EPB41: variants seen among roughly 807,000 people sequenced by gnomAD.
The protein encoded by EPB41 is erythrocyte membrane protein band 4.1.
Under a neutral mutation model 108.0 loss-of-function variants are expected in EPB41, and 65 were observed. That is an observed-to-expected ratio of 0.60 (90% confidence interval 0.49 to 0.74). EPB41 has a LOEUF of 0.74. Ranked by LOEUF, EPB41 falls within the 30% of genes least tolerant of loss-of-function variation. The pLI is 0.00. For missense variants in EPB41, 875 were observed against 1,037.0 expected (o/e 0.84, Z 2.15); for synonymous variants, 336 against 358.9 (o/e 0.94, Z 0.72).
rs199751917 is a variant in EPB41, at chr1:29,033,234, C to T, written c.1354C>T (p.Arg452Trp). ...ACGTAGTAGCTTTTTCATCAAGATTCGGCCTGGAGAGGTACAGAATTTATA... is the reference window on the plus strand; with the variant it reads ...ACGTAGTAGCTTTTTCATCAAGATTTGGCCTGGAGAGGTACAGAATTTATA... ...YKRSSFFIKI[R>W]PGEQEQYEST... The change falls in exon 9 of 21, where the codon CGG becomes TGG. Residue 452 changes from arginine to tryptophan, a missense_variant. By Grantham distance (101) the Arg-to-Trp change is moderately radical (BLOSUM62 -3). This residue lies in a region of EPB41 where 519 missense variants were observed against 627.3 expected (regional missense o/e 0.83). Transcript: ENST00000343067. The T allele has an allele frequency of 4.6e-5, 74 of 1,613,762 alleles. No individual in the cohort carries two copies. The highest frequency in any genetic ancestry group is 5.8e-5 in the Non-Finnish European group (69 of 1,179,900).
At chr1:28,941,888 CTGTCT>C (rs2094301581) in intron 1 of EPB41, among the ~76,000 whole-genome samples, 2 of 110,056 alleles carry the variant, frequency 1.8e-5, no homozygotes, top group African/African-American at 6.4e-5. Flanking sequence ...GAGTGAAGCT[CTGTCT>C]CAAAAAAAAA....
At chr1:28,944,399 TGAGA>T (rs930266166) in intron 1 of EPB41, among the ~76,000 whole-genome samples, 2 of 152,212 alleles carry the variant, frequency 1.3e-5, no homozygotes, top group African/African-American at 4.8e-5. Flanking sequence ...TAAAAATGCT[TGAGA>T]GGATGGATAC....
At chr1:29,039,990 T>C (rs1413704649) in intron 11 of EPB41, among the ~76,000 whole-genome samples, 1 of 152,214 alleles carries the variant, frequency 6.6e-6, no homozygotes, top group Non-Finnish European at 1.5e-5. Flanking sequence ...AATCTAAATC[T>C]ATCAGAATCT....
At position 29,068,738 on chromosome 1, in the gene EPB41, G is replaced by A. The variant is rs551182522; in HGVS notation, c.2184+3580G>A. ...TATAATTTGTGTATGACCAGGTGAA[G>A]AAAACTTCTGTCCTACCCTCGGAAA... On this transcript the variant is annotated intron_variant, in intron 16 of 20. Coordinates refer to ENST00000343067, the MANE Select transcript of EPB41 (RefSeq NM_001376013.1). 5.7e-6 allele frequency: 7 copies of A among 1,232,126 alleles called. No homozygotes were observed. The East Asian group carries it at 2.2e-4, about 39-fold the overall frequency. 76.3% of individuals were successfully genotyped at this position (1,232,126 alleles called of 1,614,324 possible). A position where few individuals can be genotyped will look rare whatever the true frequency, so the allele number is the denominator to read the frequency against.
chr1:28,949,489 CAGAT>C (rs2094618977), intron 1 of EPB41, among the ~76,000 whole-genome samples: 1 of 152,082 alleles, frequency 6.6e-6, no homozygotes, highest in Non-Finnish European at 1.5e-5. Flanking sequence ...TATATTACAA[CAGAT>C]AGATCTTTAA....
At chr1:29,095,028 C>A (rs1662696228) in intron 16 of EPB41, among the ~76,000 whole-genome samples, 1 of 152,128 alleles carries the variant, frequency 6.6e-6, no homozygotes, top group South Asian at 2.1e-4. Context: ...CTTTAGGGAA[C>A]AATGACAAGA....
chr1:28,907,381 A>G (rs944834239), intron 1 of EPB41, among the ~76,000 whole-genome samples: 2 of 151,298 alleles, frequency 1.3e-5, no homozygotes, highest in Non-Finnish European at 3.0e-5. Context: ...TTTTTTTTCA[A>G]TAGAGATGGG....
chr1:28,913,801 C>T (rs2092382966), upstream of EPB41, among the ~76,000 whole-genome samples: 1 of 152,162 alleles, frequency 6.6e-6, no homozygotes, highest in Non-Finnish European at 1.5e-5. Context: ...GGGTCTCTGA[C>T]ACTTCTGGAA....
Position 29,058,663 on chromosome 1 carries a change from A to G in EPB41, c.1902+18A>G. The G allele has an allele frequency of 6.2e-7, 1 of 1,611,446 alleles. No individual in the cohort carries two copies. On this transcript the variant is annotated intron_variant, in intron 13 of 20. Transcript: ENST00000343067. ...AAACACAGGTTTGTGCCAATAGGCC[A>G]CTTGTTCCTCTTTCCCTCCACCCCC...
chr1:28,967,893 C>T (rs1044632419), intron 1 of EPB41, among the ~76,000 whole-genome samples: 14 of 151,374 alleles, frequency 9.2e-5, no homozygotes, highest in African/African-American at 3.2e-4. Context: ...CAACCTCTGC[C>T]TCCCCGGTTC....
rs77862293 is a variant in EPB41, at chr1:29,007,775, C to A, written c.787-4090C>A. On this transcript the variant is annotated intron_variant, in intron 4 of 20. Coordinates refer to ENST00000343067, the MANE Select transcript of EPB41 (RefSeq NM_001376013.1). ...CTTCTCCTCAATTTACTTCTCAGCT[C>A]TTTGTTCTCTCTCCATACCTTAAAT... is the stretch of plus-strand genomic sequence containing the variant. 3.6e-3 allele frequency among the ~76,000 whole-genome samples: 544 copies of A among 152,256 alleles called. 1 individual carries two copies. The highest frequency in any genetic ancestry group is 9.1e-3 in the African/African-American group (377 of 41,552).
intron 10 of EPB41, among the ~76,000 whole-genome samples, chr1:29,037,809 C>T (rs1640068791): frequency 6.6e-6 from 1 of 152,170 alleles, no homozygotes; most frequent in African/African-American, 2.4e-5. Flanking sequence ...GCTGTGATTA[C>T]AGGCGTGAGC....
intron 1 of EPB41, among the ~76,000 whole-genome samples, chr1:28,895,472 C>T (rs2090566733): frequency 6.6e-6 from 1 of 152,052 alleles, no homozygotes; most frequent in Admixed American, 6.6e-5. Flanking sequence ...CAAGCCTGCT[C>T]ACTCCAGGGC....
intron 17 of EPB41, among the ~76,000 whole-genome samples, chr1:29,104,785 TC>T (rs1174016798): frequency 7.9e-5 from 12 of 152,206 alleles, no homozygotes; most frequent in African/African-American, 2.6e-4. Flanking sequence ...AAACAGGGCT[TC>T]GCCATGTTGG....
Position 28,983,529 on chromosome 1 carries a change from G to T in EPB41, c.-7-3902G>T, listed in dbSNP as rs936615787. Among the ~76,000 whole-genome samples the T allele has an allele frequency of 3.3e-5, 5 of 152,212 alleles. No individual in the cohort carries two copies. The East Asian group carries it at 9.7e-4, about 29-fold the overall frequency. ...CCCCTTATAGTGAAGCAGGATATTT[G>T]CCTGACCTCTTCATGGGAATTGTGA... On this transcript the variant is annotated intron_variant, in intron 1 of 20. Transcript: ENST00000343067.
At chr1:29,084,817 A>C (rs1259106875) in intron 16 of EPB41, among the ~76,000 whole-genome samples, 1 of 152,168 alleles carries the variant, frequency 6.6e-6, no homozygotes, top group Non-Finnish European at 1.5e-5. Context: ...ACCCATTTTA[A>C]TTCTCCTGTC....
chr1:29,116,591 A>G, intron 20 of EPB41, among the ~76,000 whole-genome samples: 1 of 152,168 alleles, frequency 6.6e-6, no homozygotes, highest in Non-Finnish European at 1.5e-5. Context: ...CAGAGTAGAG[A>G]GCTGGGAGCA....
intron 10 of EPB41, among the ~76,000 whole-genome samples, chr1:29,037,902 C>A (rs1483043357): frequency 6.6e-6 from 1 of 152,088 alleles, no homozygotes; most frequent in African/African-American, 2.4e-5. Flanking sequence ...ACAATAAAAT[C>A]CCCTTGTACT....
intron 7 of EPB41, among the ~76,000 whole-genome samples, chr1:29,023,995 TTAG>T (rs1277957090): frequency 6.6e-6 from 1 of 152,040 alleles, no homozygotes; most frequent in East Asian, 1.9e-4. Flanking sequence ...TATAAAGTGA[TTAG>T]TACAATGACA....
Sources: gnomAD v4.1 joint callset for allele counts (sites outside exome capture counted in the v4.1 genomes callset) on GRCh38, gnomAD v4.1.1 for gene constraint, gnomAD v4.1.1 regional missense constraint, MANE v1.5 for transcripts, NCBI Gene and HGNC (gene_info 2026-07-23, HGNC 2026-07-21) for gene names.